PSD3: variants seen among roughly 807,000 people sequenced by gnomAD.
The protein encoded by PSD3 is pleckstrin and Sec7 domain containing 3.
Under a neutral mutation model 105.5 loss-of-function variants are expected in PSD3, and 49 were observed. That is an observed-to-expected ratio of 0.46 (90% CI 0.37 to 0.59). PSD3 has a LOEUF of 0.59. PSD3 is among the 20% of genes least tolerant of loss of function. The pLI, the probability that PSD3 is intolerant of heterozygous loss-of-function variation, is 0.00. For synonymous variants in PSD3, 557 were observed against 457.8 expected, an observed-to-expected ratio of 1.22 and a Z score of -2.77; for missense variants, 1,561 against 1,263.8, an observed-to-expected ratio of 1.24 and a Z score of -3.57.
chr8:18,873,400 T>A (rs1817520617), intron 2 of PSD3, among the ~76,000 whole-genome samples: 2 of 152,162 alleles, frequency 1.3e-5, no homozygotes, highest in East Asian at 3.8e-4. Context: ...ATTTTATTCA[T>A]TTATTTTCCC....
chr8:18,986,653 T>A (rs1825508842), intron 1 of PSD3, among the ~76,000 whole-genome samples: 1 of 152,136 alleles, frequency 6.6e-6, no homozygotes, highest in Non-Finnish European at 1.5e-5. Flanking sequence ...GCAGATATAT[T>A]ACTATGGCTC....
chr8:18,784,871 A>G (rs969289285), intron 8 of PSD3, among the ~76,000 whole-genome samples: 3 of 152,136 alleles, frequency 2.0e-5, no homozygotes, highest in Admixed American at 1.3e-4. Context: ...TAACACAGAC[A>G]TGGCTGATTA....
At chr8:19,075,001 A>C (rs1274955926) in intron 1 of PSD3, among the ~76,000 whole-genome samples, 2 of 151,148 alleles carry the variant, frequency 1.3e-5, no homozygotes, top group South Asian at 2.1e-4. Flanking sequence ...ACTGGAGTAC[A>C]GTGGTGCAGT....
chr8:18,553,693 A>G (rs1040447833), intron 15 of PSD3, among the ~76,000 whole-genome samples: 2 of 152,208 alleles, frequency 1.3e-5, no homozygotes, highest in African/African-American at 2.4e-5. Context: ...AGTGGACTCA[A>G]TATGATATAT....
At chr8:19,021,660 G>T (rs1029406563) in intron 1 of PSD3, among the ~76,000 whole-genome samples, 2 of 151,778 alleles carry the variant, frequency 1.3e-5, no homozygotes, top group African/African-American at 2.4e-5. Context: ...TCCATTCCTG[G>T]TTGACCAAAA....
intron 1 of PSD3, among the ~76,000 whole-genome samples, chr8:19,055,617 GT>G (rs1241827326): frequency 6.6e-6 from 1 of 152,180 alleles, no homozygotes. Flanking sequence ...CTAAGCTATG[GT>G]TTTTAAGGTC....
chr8:19,038,555 G>A (rs1828021640), intron 1 of PSD3, among the ~76,000 whole-genome samples: 1 of 152,006 alleles, frequency 6.6e-6, no homozygotes, highest in Non-Finnish European at 1.5e-5. Context: ...TAACCTCCTG[G>A]GCTCAAGCGA....
At position 19,082,434 on chromosome 8, in the gene PSD3, T is replaced by A. The variant is rs114247962; in HGVS notation, c.324+1772A>T. ...TGTGAAGCAGGGGACGTCATCAGTG[T>A]TTTCATGGTGGAAAAACTGAGCCTC... On this transcript the variant is annotated intron_variant, in intron 1 of 1. Coordinates refer to the PSD3 transcript ENST00000521475. Among the ~76,000 whole-genome samples the A allele has an allele frequency of 3.6e-3, 547 of 152,278 alleles. 3 individuals are homozygous for A. Among genetic ancestry groups the A allele is most frequent in the African/African-American group, 0.013 (522 of 41,562 alleles).
intron 10 of PSD3, among the ~76,000 whole-genome samples, chr8:18,655,362 A>G (rs2130852172): frequency 6.6e-6 from 1 of 152,026 alleles, no homozygotes; most frequent in African/African-American, 2.4e-5. Flanking sequence ...AAGACAATTA[A>G]TTACCTACAG....
chr8:18,694,110 A>C (rs1801130658), intron 9 of PSD3, among the ~76,000 whole-genome samples: 1 of 152,164 alleles, frequency 6.6e-6, no homozygotes, highest in African/African-American at 2.4e-5. Context: ...TCAGTGACAA[A>C]GATTAAGAAG....
intron 15 of PSD3, among the ~76,000 whole-genome samples, chr8:18,554,950 G>C (rs1341382999): frequency 2.6e-5 from 4 of 152,080 alleles, no homozygotes; most frequent in Admixed American, 2.6e-4. Flanking sequence ...GGGGAGAGTA[G>C]GCAGAAATGT....
chr8:18,649,459 G>A (rs1367441368), intron 10 of PSD3, among the ~76,000 whole-genome samples: 1 of 152,144 alleles, frequency 6.6e-6, no homozygotes, highest in African/African-American at 2.4e-5. Flanking sequence ...TTTAGCCAAT[G>A]CCTGTACCCC....
intron 4 of PSD3, among the ~76,000 whole-genome samples, chr8:18,866,738 A>G (rs1453523937): frequency 6.6e-6 from 1 of 152,176 alleles, no homozygotes; most frequent in Non-Finnish European, 1.5e-5. Flanking sequence ...CAGACTGCTC[A>G]AAAAGAGAGG....
At chr8:18,946,561 T>G (rs13277470) in intron 1 of PSD3, among the ~76,000 whole-genome samples, 1 of 150,044 alleles carries the variant, frequency 6.7e-6, no homozygotes, top group Non-Finnish European at 1.5e-5. Flanking sequence ...AGCCTGGGCA[T>G]GGAACAACAC....
intron 15 of PSD3, among the ~76,000 whole-genome samples, chr8:18,538,522 C>T (rs1799959182): frequency 6.6e-6 from 1 of 152,138 alleles, no homozygotes; most frequent in South Asian, 2.1e-4. Context: ...CTACCCCCAA[C>T]AGAAACAAAG....
intron 6 of PSD3, among the ~76,000 whole-genome samples, chr8:18,803,941 T>A (rs924810015): frequency 8.0e-6 from 1 of 125,144 alleles, no homozygotes; most frequent in East Asian, 2.3e-4. Flanking sequence ...TTTTATGCTA[T>A]CTGTATTCTA....
chr8:18,674,432 G>A (rs1799959958), intron 9 of PSD3, among the ~76,000 whole-genome samples: 1 of 152,118 alleles, frequency 6.6e-6, no homozygotes, highest in Non-Finnish European at 1.5e-5. Context: ...CTGATGTTTT[G>A]AAAAATCCTC....
rs140167938 is a variant in PSD3 at position 18,531,932 on chromosome 8, A to G, written c.*3811T>C. The G allele has an allele frequency of 6.6e-6, 1 of 152,354 alleles. No individual in the cohort carries two copies. The highest frequency in any genetic ancestry group is 1.9e-4 in the East Asian group (1 of 5,186). 9.4% of individuals were successfully genotyped at this position (152,354 alleles called of 1,614,324 possible). The stretch of plus-strand genomic sequence containing the variant: ...AGTCCACGGGAGTTAAATTACAGAG[A>G]TTCAAACCTGCAAAGCTAAACTTCT... On this transcript the variant is annotated 3_prime_UTR_variant, in exon 16 of 16. Transcript: ENST00000327040.
chr8:19,065,340 G>A (rs1350099303), intron 1 of PSD3, among the ~76,000 whole-genome samples: 1 of 152,098 alleles, frequency 6.6e-6, no homozygotes, highest in African/African-American at 2.4e-5. Flanking sequence ...AATCAGCTCT[G>A]CGGTGGACAT....
Sources: allele counts gnomAD v4.1 joint callset (sites outside exome capture counted in the v4.1 genomes callset), GRCh38; gene constraint gnomAD v4.1.1; transcripts MANE v1.5; gene names NCBI Gene and HGNC (gene_info 2026-07-23, HGNC 2026-07-21).